Variants in SLC40A1 observed in about 807,000 individuals in gnomAD.
SLC40A1 encodes solute carrier family 40 member 1, also known as ferroportin.
Under a neutral mutation model 53.5 loss-of-function variants are expected in SLC40A1, and 16 were observed. That is an observed-to-expected ratio of 0.30 (90% CI 0.20 to 0.45). The LOEUF (loss-of-function observed/expected upper bound fraction) is 0.45. Ranked by LOEUF, SLC40A1 falls within the 20% of genes least tolerant of loss-of-function variation. The pLI is 1.00. For synonymous variants in SLC40A1, 247 were observed against 253.2 expected (o/e 0.98, Z 0.23); for missense variants, 545 against 695.4 (o/e 0.78, Z 2.43).
rs1007760657 is a variant in SLC40A1, at chr2:189,561,617, AG to A, written c.*260del. The A allele has an allele frequency of 2.5e-5, 11 of 442,484 alleles. No individual in the cohort carries two copies. The highest frequency in any genetic ancestry group is 4.1e-5 in the Non-Finnish European group (10 of 242,930). 27.4% of individuals were successfully genotyped at this position (442,484 alleles called of 1,614,324 possible). ...AAGATTGTATCTACTCATGAGAAAT[AG>A]GGGAATTCAGTGTTATCATTATAGT... On this transcript the variant is annotated 3_prime_UTR_variant, in exon 8 of 8. Coordinates refer to ENST00000261024, the MANE Select transcript of SLC40A1 (RefSeq NM_014585.6).
At position 189,563,614 on chromosome 2, in the gene SLC40A1, G is replaced by A; in HGVS notation, c.1372C>T (p.Leu458=). Residue 458 remains leucine (L), a synonymous_variant, in exon 7 of 8, where the codon CTG becomes TTG. Transcript: ENST00000261024. ...ESVPIISVSL[L]FAGVIAARIG... is the part of the protein sequence containing the mutation. ...CTAGCAGCAATGACGCCTGCAAACA[G>A]CAGACTGACAGAGATTATGGGCACA... The A allele has an allele frequency of 6.2e-7, 1 of 1,614,014 alleles. No individual in the cohort carries two copies. The highest frequency in any genetic ancestry group is 8.5e-7 in the Non-Finnish European group (1 of 1,179,940).
chr2:189,571,992 A>ATCTATATCATATC, intron 4 of SLC40A1, 151 bp from the exon 5 acceptor site: 1 of 650,576 alleles, frequency 1.5e-6, no homozygotes, highest in South Asian at 1.8e-5. Flanking sequence ...CGTTATAGAT[A>ATCTATATCATATC]TGAAACTGAA....
At chr2:189,575,066 T>G in intron 3 of SLC40A1, 95 bp downstream of exon 3, 1 of 1,384,220 alleles carries the variant, frequency 7.2e-7, no homozygotes, top group Non-Finnish European at 1.0e-6. Flanking sequence ...CATTCCCTGG[T>G]TGTTTCTCTC....
rs2030724097 is a variant in SLC40A1, at chr2:189,561,096, T to C, written c.*782A>G. 1 of 152,262 alleles carries C rather than the reference T, an allele frequency of 6.6e-6. No homozygotes were observed. Among genetic ancestry groups the C allele is most frequent in the South Asian group, 2.1e-4 (1 of 4,834 alleles). 9.4% of individuals were successfully genotyped at this position (152,262 alleles called of 1,614,324 possible). ...ATGATAACATGAGTTAAATTGGGAT[T>C]CTTGCCCTTCTGTGTGGCTTTTGGC... On this transcript the variant is annotated 3_prime_UTR_variant, in exon 8 of 8. Transcript: ENST00000261024.
rs1322710305 is a variant in SLC40A1, at chr2:189,565,585, T to C, written c.529A>G (p.Ile177Val). The C allele has an allele frequency of 2.5e-6, 4 of 1,614,226 alleles. No homozygotes were observed. Among genetic ancestry groups the C allele is most frequent in the South Asian group, 1.1e-5 (1 of 91,086 alleles). The change falls in exon 6 of 8, where the codon ATA (isoleucine) becomes GTA (valine). Residue 177 changes from isoleucine (I) to valine (V), a missense_variant. Physicochemically the swap from Ile to Val is conservative, Grantham distance 29. Around this residue, in one of 4 missense-constraint regions of SLC40A1, gnomAD observed 197 missense variants for 278.8 expected, o/e 0.71. Transcript: ENST00000261024. The part of the protein sequence containing the change: ...RSKLANMNAT[I>V]RRIDQLTNIL... ...TTGGTTAACTGGTCAATCCTTCGTA[T>C]TGTGGCATTCATATCTAGAGAGGCA...
At chr2:189,567,766 T>C (rs1559011822) in intron 5 of SLC40A1, among the ~76,000 whole-genome samples, 3 of 152,202 alleles carry the variant, frequency 2.0e-5, no homozygotes, top group Non-Finnish European at 4.4e-5. Flanking sequence ...AGGAGAACTT[T>C]GACATATTTC....
At chr2:189,564,254 TGGG>T in intron 6 of SLC40A1, 29 bp from the exon 7 acceptor site, 1 of 1,606,628 alleles carries the variant, frequency 6.2e-7, no homozygotes, top group East Asian at 2.2e-5. Flanking sequence ...ATTATTTTGT[TGGG>T]GAGGACATGT....
intron 2 of SLC40A1, among the ~76,000 whole-genome samples, chr2:189,577,916 C>T (rs997731822): frequency 2.6e-5 from 4 of 152,088 alleles, no homozygotes; most frequent in Admixed American, 6.6e-5. Context: ...TAGCCAGGAT[C>T]CACTTCTTAC....
intron 2 of SLC40A1, among the ~76,000 whole-genome samples, chr2:189,576,082 T>C (rs1559014910): frequency 6.6e-6 from 1 of 152,216 alleles, no homozygotes; most frequent in Non-Finnish European, 1.5e-5. Context: ...TTGGAGTTCA[T>C]TACCGTGAAA....
At chr2:189,576,023 GA>G (rs557108876) in intron 2 of SLC40A1, among the ~76,000 whole-genome samples, 731 of 152,262 alleles carry the variant, frequency 4.8e-3, no homozygotes, top group Non-Finnish European at 7.1e-3. Flanking sequence ...TTGAAAGGGG[GA>G]AAAAGCTACT....
At chr2:189,562,464 C>G (rs1026270378) in intron 7 of SLC40A1, among the ~76,000 whole-genome samples, 1 of 152,092 alleles carries the variant, frequency 6.6e-6, no homozygotes, top group African/African-American at 2.4e-5. Context: ...ATTATTCATA[C>G]TACAAAAACA....
In SLC40A1 at chr2:189,565,468, T is replaced by C. The variant is rs757531583; in HGVS notation, c.646A>G (p.Met216Val). 9.3e-6 allele frequency: 15 copies of C among 1,614,108 alleles called. No individual in the cohort carries two copies. The East Asian group carries it at 2.4e-4, about 26-fold the overall frequency. The stretch of plus-strand genomic sequence containing the variant: ...CAGAGCAGAACGTACTCCACGCACA[T>C]GGATACCAAGTTCCATCCCGAAATA... ...GFISGWNLVS[M>V]CVEYVLLWKV... Residue 216 changes from methionine (M) to valine (V), a missense_variant, in exon 6 of 8, where the codon ATG becomes GTG. Physicochemically the swap from Met to Val is conservative, Grantham distance 21. Around this residue, in one of 4 missense-constraint regions of SLC40A1, gnomAD observed 197 missense variants for 278.8 expected, o/e 0.71. Coordinates refer to ENST00000261024, the MANE Select transcript of SLC40A1 (RefSeq NM_014585.6).
intron 3 of SLC40A1, among the ~76,000 whole-genome samples, 196 bp downstream of exon 3, chr2:189,574,965 C>G (rs2031243913): frequency 6.6e-6 from 1 of 152,194 alleles, no homozygotes; most frequent in Non-Finnish European, 1.5e-5. Context: ...AGGTCAATGT[C>G]CAGGCATCCC....
At chr2:189,577,606 T>C (rs2031329236) in intron 2 of SLC40A1, among the ~76,000 whole-genome samples, 1 of 137,444 alleles carries the variant, frequency 7.3e-6, no homozygotes, top group Non-Finnish European at 1.5e-5. Flanking sequence ...TCCTTGACAA[T>C]AGTATCCACT....
At chr2:189,565,725 T>G (rs2030919828) in intron 5 of SLC40A1, 126 bp from the exon 6 acceptor site, 6 of 1,351,204 alleles carry the variant, frequency 4.4e-6, no homozygotes, top group African/African-American at 1.4e-5. Flanking sequence ...TAAAAGTACA[T>G]TTGTAAGAAA....
At chr2:189,563,207 C>T (rs1282098062) in intron 7 of SLC40A1, among the ~76,000 whole-genome samples, 3 of 147,908 alleles carry the variant, frequency 2.0e-5, no homozygotes, top group African/African-American at 5.0e-5. Context: ...CCCAGGAGGT[C>T]GAGGCTGCAG....
rs2031401302 is a variant in SLC40A1 at position 189,579,888 on chromosome 2, GAC to G, written c.44-10_44-9del. The G allele has an allele frequency of 4.3e-6, 7 of 1,614,098 alleles. No individual in the cohort carries two copies. The East Asian group carries it at 1.6e-4, about 36-fold the overall frequency. Reference sequence around the variant, plus strand: ...GGTAGTCGGCCAAGGATCCTGCAAAGACACAGGCGGGGTGACAAAAAGCGATG... The same window carrying G: ...GGTAGTCGGCCAAGGATCCTGCAAAGACAGGCGGGGTGACAAAAAGCGATG... On this transcript the variant is annotated splice_polypyrimidine_tract_variant and intron_variant, in intron 1 of 7. Coordinates refer to ENST00000261024, the MANE Select transcript of SLC40A1 (RefSeq NM_014585.6).
At chr2:189,570,834 C>A (rs1262131405) in intron 5 of SLC40A1, among the ~76,000 whole-genome samples, 1 of 152,064 alleles carries the variant, frequency 6.6e-6, no homozygotes, top group Non-Finnish European at 1.5e-5. Flanking sequence ...CCATTTAAGT[C>A]ATCAAGAATG....
In SLC40A1 at chr2:189,579,818, T is replaced by C. The variant is rs1236809082; in HGVS notation, c.106A>G (p.Thr36Ala). 1.9e-6 allele frequency: 3 copies of C among 1,613,128 alleles called. No individual in the cohort carries two copies. Among genetic ancestry groups the C allele is most frequent in the South Asian group, 1.1e-5 (1 of 91,052 alleles). Residue 36 changes from threonine (T) to alanine (A), a missense_variant, in exon 2 of 8, where the codon ACT becomes GCT. Physicochemically the swap from Thr to Ala is moderately conservative, Grantham distance 58. This residue lies in a region of SLC40A1 where 197 missense variants were observed against 278.8 expected (regional missense o/e 0.71). Transcript: ENST00000261024. Reference protein sequence around the residue: ...FLLYLGHSLSTWGDRMWHFAV... With the variant: ...FLLYLGHSLSAWGDRMWHFAV... ...GACTATGCATTCTCACTTACCCAAG[T>C]AGAGAGAGAATGACCAAGGTAGAGA...
Sources: gnomAD v4.1 joint callset for allele counts (sites outside exome capture counted in the v4.1 genomes callset) on GRCh38, gnomAD v4.1.1 for gene constraint, gnomAD v4.1.1 regional missense constraint, MANE v1.5 for transcripts, NCBI Gene and HGNC (gene_info 2026-07-23, HGNC 2026-07-21) for gene names.